Variants in EYA2 observed in about 807,000 individuals in gnomAD.
EYA2 encodes the protein EYA transcriptional coactivator and phosphatase 2, also known as protein phosphatase EYA2.
In EYA2, 31 loss-of-function variants were observed where a neutral mutation model predicts 69.2. The ratio of observed to expected loss-of-function variants is 0.45; its 90% confidence interval spans 0.34 to 0.60. The LOEUF (loss-of-function observed/expected upper bound fraction) is 0.60, where lower values mean the gene tolerates loss of function less well. Among genes scored for constraint, EYA2 ranks in the 20% least tolerant of loss-of-function variants. EYA2 has a pLI of 0.02. For synonymous variants in EYA2, 257 were observed against 279.4 expected (o/e 0.92, Z 0.80); for missense variants, 622 against 701.2 (o/e 0.89, Z 1.28).
intron 1 of EYA2, among the ~76,000 whole-genome samples, chr20:46,922,643 C>T (rs145905309): frequency 6.6e-6 from 1 of 152,042 alleles, no homozygotes; most frequent in South Asian, 2.1e-4. Flanking sequence ...ATGCCGAGGA[C>T]CAGCTAGAAT....
intron 5 of EYA2, among the ~76,000 whole-genome samples, chr20:47,070,427 T>A (rs548634880): frequency 2.4e-4 from 37 of 152,324 alleles, no homozygotes; most frequent in African/African-American, 8.4e-4. Context: ...AGAACTCTCG[T>A]GCATTACCAG....
intron 5 of EYA2, among the ~76,000 whole-genome samples, chr20:47,017,554 A>C (rs1983484453): frequency 6.6e-6 from 1 of 152,198 alleles, no homozygotes; most frequent in Non-Finnish European, 1.5e-5. Flanking sequence ...AGGAAAAAAA[A>C]ATTGTGAAAG....
intron 9 of EYA2, among the ~76,000 whole-genome samples, chr20:47,119,170 A>G (rs898685134): frequency 1.3e-5 from 2 of 152,170 alleles, no homozygotes; most frequent in African/African-American, 4.8e-5. Flanking sequence ...ATTTCCCAAC[A>G]ATAGTGTTCT....
At chr20:47,103,242 C>CA (rs1196050378) in intron 9 of EYA2, among the ~76,000 whole-genome samples, 1 of 152,198 alleles carries the variant, frequency 6.6e-6, no homozygotes, top group Non-Finnish European at 1.5e-5. Flanking sequence ...ACCCTATACT[C>CA]ACTAGCAGTC....
chr20:47,083,748 T>C (rs778511616), intron 7 of EYA2, among the ~76,000 whole-genome samples: 4 of 152,188 alleles, frequency 2.6e-5, no homozygotes, highest in Non-Finnish European at 5.9e-5. Flanking sequence ...ATTTCTCATA[T>C]GTAACACCAA....
chr20:46,909,704 T>G (rs925620592), intron 1 of EYA2, among the ~76,000 whole-genome samples: 1 of 152,200 alleles, frequency 6.6e-6, no homozygotes, highest in Non-Finnish European at 1.5e-5. Context: ...TGTGGAGCTG[T>G]GGATGGAGTG....
chr20:47,057,922 GC>G (rs990573104), intron 5 of EYA2, among the ~76,000 whole-genome samples: 5 of 152,208 alleles, frequency 3.3e-5, no homozygotes, highest in African/African-American at 1.2e-4. Flanking sequence ...TCCCAGGAGG[GC>G]CTGCTTCCTA....
At chr20:47,177,110 GTATTTATT>G (rs553967101) in intron 12 of EYA2, among the ~76,000 whole-genome samples, 1,650 of 151,254 alleles carry the variant, frequency 0.011, 15 homozygotes, top group Non-Finnish European at 0.015. Flanking sequence ...TTCTATCTTT[GTATTTATT>G]TATTTATTTA....
chr20:47,069,684 T>C (rs2031239394), intron 5 of EYA2, among the ~76,000 whole-genome samples: 1 of 152,126 alleles, frequency 6.6e-6, no homozygotes, highest in African/African-American at 2.4e-5. Flanking sequence ...TTATATCATA[T>C]TTCATACTTA....
intron 5 of EYA2, among the ~76,000 whole-genome samples, chr20:47,057,840 AGGTGTGTGGAGGCAGGACGGCCTGCT>A (rs1296227589): frequency 6.6e-6 from 1 of 152,200 alleles, no homozygotes; most frequent in African/African-American, 2.4e-5. Flanking sequence ...AACTTCCCAC[AGGTGTGTGGAGGCAGGACGGCCTGCT>A]GGCTGGGAGT....
intron 1 of EYA2, among the ~76,000 whole-genome samples, chr20:46,912,943 A>G (rs918582660): frequency 6.8e-6 from 1 of 147,090 alleles, no homozygotes; most frequent in African/African-American, 2.5e-5. Flanking sequence ...CTCATGATCC[A>G]CCCGCCTCGG....
At chr20:46,899,586 G>A (rs2146208921) in intron 1 of EYA2, among the ~76,000 whole-genome samples, 1 of 152,346 alleles carries the variant, frequency 6.6e-6, no homozygotes, top group South Asian at 2.1e-4. Context: ...TTTACCGGAA[G>A]GTGCTGGATC....
chr20:47,166,433 C>CAAAAAAT (rs1555833836), intron 10 of EYA2, among the ~76,000 whole-genome samples: 1 of 52,218 alleles, frequency 1.9e-5, no homozygotes, highest in Non-Finnish European at 4.2e-5. Flanking sequence ...AAAAAAAAAG[C>CAAAAAAT]TTTTTGCTTG....
intron 9 of EYA2, among the ~76,000 whole-genome samples, chr20:47,101,987 G>A (rs747970623): frequency 6.6e-6 from 1 of 152,176 alleles, no homozygotes; most frequent in African/African-American, 2.4e-5. Context: ...CATTCAGTTT[G>A]AAGTACAGCA....
intron 1 of EYA2, among the ~76,000 whole-genome samples, chr20:46,954,660 C>T (rs1439407106): frequency 2.6e-5 from 4 of 152,188 alleles, no homozygotes; most frequent in Admixed American, 6.5e-5. Flanking sequence ...TCCTTTCAGC[C>T]GAGCAAGTGA....
Position 47,092,935 on chromosome 20 carries a change from G to A in EYA2, c.804+3554G>A, listed in dbSNP as rs115859525. ...ATTAGTTAAAATCCTTCAGCTGCAC[G>A]TGCCAGGGACCAACTTGAGCTACTT... On this transcript the variant is annotated intron_variant, in intron 8 of 15. Coordinates refer to ENST00000327619, the MANE Select transcript of EYA2 (RefSeq NM_005244.5). Among the ~76,000 whole-genome samples the A allele has an allele frequency of 5.0e-3, 759 of 152,276 alleles. 7 individuals carry two copies. The highest frequency in any genetic ancestry group is 0.01 in the African/African-American group (416 of 41,554).
intron 1 of EYA2, among the ~76,000 whole-genome samples, chr20:46,945,787 G>A (rs1257970780): frequency 6.6e-6 from 1 of 152,234 alleles, no homozygotes; most frequent in African/African-American, 2.4e-5. Flanking sequence ...CTCTTGATAT[G>A]ATGATTTTGT....
intron 9 of EYA2, among the ~76,000 whole-genome samples, chr20:47,114,409 G>A (rs1292196195): frequency 1.3e-5 from 2 of 152,302 alleles, no homozygotes; most frequent in East Asian, 3.9e-4. Flanking sequence ...GAGGTCAGGA[G>A]TTCGAGACCA....
At chr20:47,109,132 T>C (rs1297255939) in intron 9 of EYA2, among the ~76,000 whole-genome samples, 1 of 152,166 alleles carries the variant, frequency 6.6e-6, no homozygotes, top group Non-Finnish European at 1.5e-5. Context: ...AAAGATGCCC[T>C]GTTTTCCATC....
Sources: allele counts gnomAD v4.1 joint callset (sites outside exome capture counted in the v4.1 genomes callset), GRCh38; gene constraint gnomAD v4.1.1; transcripts MANE v1.5; gene names NCBI Gene and HGNC (gene_info 2026-07-23, HGNC 2026-07-21).